MCMDC2: variants seen among roughly 807,000 people sequenced by gnomAD.
The protein encoded by MCMDC2 is minichromosome maintenance domain containing 2.
Under a neutral mutation model 75.8 loss-of-function variants are expected in MCMDC2, and 54 were observed. That is an observed-to-expected ratio of 0.71 (90% confidence interval 0.57 to 0.89). The LOEUF (loss-of-function observed/expected upper bound fraction) is 0.89. Among genes scored for constraint, MCMDC2 ranks in the 40% least tolerant of loss-of-function variants. MCMDC2 has a pLI of 0.00. For missense variants in MCMDC2, 656 were observed against 780.4 expected (o/e 0.84, Z 1.90); for synonymous variants, 249 against 274.6 (o/e 0.91, Z 0.92).
chr8:66,904,447 T>G (rs1453594114), intron 13 of MCMDC2, among the ~76,000 whole-genome samples: 3 of 152,172 alleles, frequency 2.0e-5, no homozygotes, highest in African/African-American at 7.2e-5. Context: ...TGATAGAATC[T>G]TGGTTATAGT....
intron 7 of MCMDC2, among the ~76,000 whole-genome samples, chr8:66,879,541 C>T (rs954266881): frequency 2.0e-5 from 3 of 152,018 alleles, no homozygotes; most frequent in African/African-American, 7.2e-5. Flanking sequence ...TGCAGTGAGC[C>T]AATATCGTGC....
chr8:66,912,302 G>A (rs1813149552), intron 14 of MCMDC2, among the ~76,000 whole-genome samples: 1 of 152,208 alleles, frequency 6.6e-6, no homozygotes, highest in African/African-American at 2.4e-5. Flanking sequence ...GCTATAGACT[G>A]ATGATCAAAC....
downstream of MCMDC2, chr8:66,922,626 C>T (rs919735382): frequency 4.5e-6 from 2 of 446,092 alleles, no homozygotes; most frequent in Non-Finnish European, 9.1e-6. Flanking sequence ...CAATACATGC[C>T]GCGTGATCCT....
chr8:66,889,187 A>G (rs1811984408), intron 9 of MCMDC2, among the ~76,000 whole-genome samples: 1 of 152,152 alleles, frequency 6.6e-6, no homozygotes, highest in African/African-American at 2.4e-5. Context: ...TCTACTCATC[A>G]TAGGTGATTG....
chr8:66,899,816 G>T (rs1281767413), intron 12 of MCMDC2, among the ~76,000 whole-genome samples: 3 of 146,624 alleles, frequency 2.0e-5, no homozygotes, highest in African/African-American at 7.4e-5. Flanking sequence ...TTTTTTAAAA[G>T]TTAAATTTAA....
At chr8:66,877,053 C>G (rs932131034) in intron 4 of MCMDC2, among the ~76,000 whole-genome samples, 1 of 152,010 alleles carries the variant, frequency 6.6e-6, no homozygotes, top group African/African-American at 2.4e-5. Context: ...GCCACCGTGC[C>G]CGGCCCTGGT....
At chr8:66,907,250 C>G (rs1812942659) in intron 14 of MCMDC2, among the ~76,000 whole-genome samples, 2 of 152,094 alleles carry the variant, frequency 1.3e-5, no homozygotes, top group South Asian at 4.1e-4. Flanking sequence ...CAACAGGCCT[C>G]AGTGTGTGAT....
At chr8:66,877,806 A>C (rs1371837458) in intron 5 of MCMDC2, among the ~76,000 whole-genome samples, 1 of 150,892 alleles carries the variant, frequency 6.6e-6, no homozygotes, top group African/African-American at 2.4e-5. Flanking sequence ...TCGGGGCTGC[A>C]GTGAGCTGTG....
chr8:66,882,055 C>T (rs1267949174), intron 8 of MCMDC2, among the ~76,000 whole-genome samples: 1 of 152,130 alleles, frequency 6.6e-6, no homozygotes, highest in Non-Finnish European at 1.5e-5. Context: ...TACTGGTGAA[C>T]TTAAGGACAG....
intron 4 of MCMDC2, among the ~76,000 whole-genome samples, chr8:66,876,847 G>A (rs746178583): frequency 3.3e-5 from 5 of 151,968 alleles, no homozygotes; most frequent in African/African-American, 4.8e-5. Flanking sequence ...TGCAAGCTCC[G>A]CCTCCCGTGT....
In MCMDC2 at chr8:66,921,161, T is replaced by G. The variant is rs1029363294; in HGVS notation, c.*1992T>G. The stretch of plus-strand genomic sequence containing the variant: ...AATGTTTAAGTTTCTCATTAAAGAG[T>G]AGAAGTGTACATTCAGAAACAATTA... On this transcript the variant is annotated 3_prime_UTR_variant, in exon 15 of 15. Coordinates refer to ENST00000422365, the MANE Select transcript of MCMDC2 (RefSeq NM_173518.5). The G allele has an allele frequency of 6.6e-6, 1 of 151,890 alleles. No homozygotes were observed. The highest frequency in any genetic ancestry group is 2.4e-5 in the African/African-American group (1 of 41,310). 9.4% of individuals were successfully genotyped at this position (151,890 alleles called of 1,614,324 possible). A position where few individuals can be genotyped will look rare whatever the true frequency, so the allele number is the denominator to read the frequency against.
chr8:66,906,846 G>A (rs1453273055), intron 14 of MCMDC2, among the ~76,000 whole-genome samples: 3 of 150,670 alleles, frequency 2.0e-5, no homozygotes, highest in South Asian at 2.1e-4. Flanking sequence ...GCATGATCTC[G>A]GCTCACTGCA....
rs1813444405 is a variant in MCMDC2, at chr8:66,919,669, A to ATACTT, written c.*503_*507dup. On this transcript the variant is annotated 3_prime_UTR_variant, in exon 15 of 15. Transcript: ENST00000422365. ...GAAGCTTCAAATGTAAGGCCTTTTC[A>ATACTT]TACTTTATTACTGGCCTGTCCATTA... 1.3e-5 allele frequency: 2 copies of ATACTT among 152,324 alleles called. No homozygotes were observed. Among genetic ancestry groups the ATACTT allele is most frequent in the Admixed American group, 6.5e-5 (1 of 15,278 alleles). 9.4% of individuals were successfully genotyped at this position (152,324 alleles called of 1,614,324 possible).
At chr8:66,876,012 A>G (rs1270230625) in intron 4 of MCMDC2, among the ~76,000 whole-genome samples, 2 of 152,208 alleles carry the variant, frequency 1.3e-5, no homozygotes, top group Non-Finnish European at 2.9e-5. Context: ...ATATTGTGCT[A>G]TATCAGGAGG....
downstream of MCMDC2, chr8:66,922,562 A>G (rs372855172): frequency 7.7e-5 from 40 of 518,638 alleles, no homozygotes; most frequent in African/African-American, 1.3e-4. Flanking sequence ...CAGCTATTAA[A>G]CCTATCTGTC....
At chr8:66,918,184 G>T (rs757449846) in intron 14 of MCMDC2, among the ~76,000 whole-genome samples, 5 of 151,920 alleles carry the variant, frequency 3.3e-5, no homozygotes, top group African/African-American at 9.7e-5. Flanking sequence ...TGTGCTTATT[G>T]GTCATTTGTT....
chr8:66,910,677 C>T (rs1028794973), intron 14 of MCMDC2, among the ~76,000 whole-genome samples: 5 of 152,122 alleles, frequency 3.3e-5, no homozygotes, highest in South Asian at 2.1e-4. Flanking sequence ...GGCATGGTGG[C>T]GGGTGCCTAC....
intron 10 of MCMDC2, among the ~76,000 whole-genome samples, chr8:66,893,057 T>C (rs1812187269): frequency 6.6e-6 from 1 of 152,186 alleles, no homozygotes; most frequent in African/African-American, 2.4e-5. Flanking sequence ...TCTGGTTCTG[T>C]ATTAGAGTAA....
In MCMDC2 at chr8:66,896,894, G is replaced by A; in HGVS notation, c.1561G>A (p.Ala521Thr). The A allele has an allele frequency of 6.2e-7, 1 of 1,613,250 alleles. No homozygotes were observed. The highest frequency in any genetic ancestry group is 8.5e-7 in the Non-Finnish European group (1 of 1,179,638). Residue 521 changes from alanine (A) to threonine (T), a missense_variant, in exon 12 of 15, where the codon GCC (alanine) becomes ACC (threonine). Physicochemically the swap from Ala to Thr is moderately conservative, Grantham distance 58. Coordinates refer to ENST00000422365, the MANE Select transcript of MCMDC2 (RefSeq NM_173518.5). The stretch of plus-strand genomic sequence containing the variant: ...TACTGTGCAACACACTTTGAACAAA[G>A]CCATTAATCCTGAAGGGCTGTTTTA... ...LPTVQHTLNK[A>T]INPEGLFYAA...
Sources: gnomAD v4.1 joint callset for allele counts (sites outside exome capture counted in the v4.1 genomes callset) on GRCh38, gnomAD v4.1.1 for gene constraint, MANE v1.5 for transcripts, NCBI Gene and HGNC (gene_info 2026-07-23, HGNC 2026-07-21) for gene names.